The following DAAM1 variants were observed in gnomAD, a reference collection of about 807,000 sequenced individuals.
DAAM1 encodes the protein dishevelled associated activator of morphogenesis 1, also known as disheveled-associated activator of morphogenesis 1.
DAAM1 carries 52 observed loss-of-function variants against 130.0 expected under a neutral mutation model. The ratio of observed to expected loss-of-function variants is 0.40; its 90% CI spans 0.32 to 0.50. The LOEUF (loss-of-function observed/expected upper bound fraction) is 0.50, where lower values mean the gene tolerates loss of function less well. Among genes scored for constraint, DAAM1 ranks in the 20% least tolerant of loss-of-function variants. DAAM1 has a pLI of 0.61. For missense variants in DAAM1, 1,134 were observed against 1,303.8 expected (o/e 0.87, Z 2.01); for synonymous variants, 452 against 444.5 (o/e 1.02, Z -0.21).
chr14:59,281,524 TGGAGGAGGAGGA>T (rs59666401), intron 2 of DAAM1, among the ~76,000 whole-genome samples: 195 of 150,228 alleles, frequency 1.3e-3, no homozygotes, highest in Middle Eastern at 3.4e-3. Flanking sequence ...GTGCTGCTGT[TGGAGGAGGAGGA>T]GGAGGAGGAG....
At chr14:59,304,524 G>A (rs149472171) in intron 3 of DAAM1, among the ~76,000 whole-genome samples, 1 of 152,264 alleles carries the variant, frequency 6.6e-6, no homozygotes, top group African/African-American at 2.4e-5. Flanking sequence ...CTTAAATTCT[G>A]TTATTCTTCA....
At chr14:59,217,960 G>A (rs935513933) in intron 1 of DAAM1, among the ~76,000 whole-genome samples, 28 of 150,092 alleles carry the variant, frequency 1.9e-4, no homozygotes, top group African/African-American at 5.6e-4. Flanking sequence ...GCGACAGAGC[G>A]ACTCTGTCTC....
intron 2 of DAAM1, among the ~76,000 whole-genome samples, chr14:59,272,632 TACACAC>T (rs1370076823): frequency 1.7e-4 from 22 of 128,336 alleles, no homozygotes; most frequent in South Asian, 5.1e-4. Flanking sequence ...CACACACACA[TACACAC>T]ATATATATGT....
chr14:59,197,631 A>G (rs1887940883), intron 1 of DAAM1, among the ~76,000 whole-genome samples: 3 of 152,368 alleles, frequency 2.0e-5, no homozygotes, highest in African/African-American at 4.8e-5. Context: ...TGCCTTGCCT[A>G]TGATATTTTC....
chr14:59,294,562 T>C (rs1430576124), intron 3 of DAAM1, among the ~76,000 whole-genome samples: 2 of 129,852 alleles, frequency 1.5e-5, no homozygotes, highest in Admixed American at 1.6e-4. Context: ...CAATCCACTG[T>C]CATTTTTTTT....
intron 2 of DAAM1, among the ~76,000 whole-genome samples, chr14:59,286,453 T>C (rs555354199): frequency 6.6e-6 from 1 of 151,976 alleles, no homozygotes; most frequent in African/African-American, 2.4e-5. Context: ...GAAATTGAGA[T>C]GTGAAAATTC....
intron 15 of DAAM1, among the ~76,000 whole-genome samples, chr14:59,334,836 C>T (rs1354891512): frequency 2.0e-5 from 3 of 152,070 alleles, no homozygotes; most frequent in Non-Finnish European, 4.4e-5. Flanking sequence ...TTTGCACAGG[C>T]CCACAGTGTA....
At chr14:59,338,188 A>T (rs1885700663) in intron 15 of DAAM1, among the ~76,000 whole-genome samples, 1 of 152,190 alleles carries the variant, frequency 6.6e-6, no homozygotes, top group African/African-American at 2.4e-5. Flanking sequence ...CTGAATGCTT[A>T]GTATTGTGCT....
intron 3 of DAAM1, among the ~76,000 whole-genome samples, chr14:59,306,693 T>G (rs1272486359): frequency 6.6e-6 from 1 of 152,122 alleles, no homozygotes; most frequent in African/African-American, 2.4e-5. Context: ...ACAGCTTTTT[T>G]TTTTTTAATC....
chr14:59,315,252 T>C (rs768038701), intron 3 of DAAM1, 28 bp from the exon 4 acceptor site: 28 of 1,606,718 alleles, frequency 1.7e-5, no homozygotes, highest in Admixed American at 6.7e-5. Flanking sequence ...TGTTGGGTGG[T>C]ATGTCACTTT....
At chr14:59,197,940 G>A (rs1887957572) in intron 1 of DAAM1, among the ~76,000 whole-genome samples, 1 of 152,160 alleles carries the variant, frequency 6.6e-6, no homozygotes, top group African/African-American at 2.4e-5. Flanking sequence ...GCTGGGAGAG[G>A]AAGGCTTACA....
intron 1 of DAAM1, among the ~76,000 whole-genome samples, chr14:59,195,950 C>T (rs912899936): frequency 6.6e-6 from 1 of 151,514 alleles, no homozygotes; most frequent in Admixed American, 6.6e-5. Context: ...TATCAGTGCA[C>T]AGCTATCACT....
intron 19 of DAAM1, among the ~76,000 whole-genome samples, chr14:59,354,295 C>A (rs998949317): frequency 1.5e-4 from 23 of 152,110 alleles, no homozygotes; most frequent in African/African-American, 4.8e-4. Flanking sequence ...CTCCTGACCT[C>A]GTGATCTGCC....
chr14:59,348,300 T>C (rs953100680), intron 17 of DAAM1, among the ~76,000 whole-genome samples: 12 of 152,218 alleles, frequency 7.9e-5, no homozygotes, highest in Non-Finnish European at 1.6e-4. Context: ...CAGCCAGTAT[T>C]TCTATAGCAT....
intron 3 of DAAM1, chr14:59,291,558 T>C: frequency 2.3e-6 from 1 of 429,248 alleles, no homozygotes; most frequent in Non-Finnish European, 4.2e-6. Context: ...AAAATAACGT[T>C]TGCTTACACA....
intron 1 of DAAM1, among the ~76,000 whole-genome samples, chr14:59,244,329 A>G (rs1292828190): frequency 6.6e-6 from 1 of 152,018 alleles, no homozygotes; most frequent in Admixed American, 6.6e-5. Flanking sequence ...TGAAGCAAGC[A>G]GAATATTCAC....
intron 22 of DAAM1, 27 bp downstream of exon 22, chr14:59,360,889 A>G (rs1886680582): frequency 1.2e-6 from 2 of 1,608,886 alleles, no homozygotes; most frequent in South Asian, 1.1e-5. Flanking sequence ...TGTTGTTCTA[A>G]TTCCTGGTCT....
intron 1 of DAAM1, among the ~76,000 whole-genome samples, chr14:59,196,271 T>C (rs940330639): frequency 3.3e-5 from 5 of 152,234 alleles, no homozygotes; most frequent in African/African-American, 1.2e-4. Flanking sequence ...TGGTCAACAT[T>C]ATTCACCAGA....
rs1207533173 is a variant in DAAM1, at chr14:59,358,525, AC to A, written c.2526-869del. Among the ~76,000 whole-genome samples, 4 of 152,102 alleles carry A rather than the reference AC, an allele frequency of 2.6e-5. No individual in the cohort carries two copies. The East Asian group carries it at 7.7e-4, about 29-fold the overall frequency. ...AAGGGGGCTTTCTAACTTTCTGACC[AC>A]CCTTTGGGTGAAACCTTATTAAAAA... On this transcript the variant is annotated intron_variant, in intron 20 of 24. Transcript: ENST00000360909.
Sources: allele counts gnomAD v4.1 joint callset (sites outside exome capture counted in the v4.1 genomes callset), GRCh38; gene constraint gnomAD v4.1.1; transcripts MANE v1.5; gene names NCBI Gene and HGNC (gene_info 2026-07-23, HGNC 2026-07-21).